Variants in PAPPA observed in about 807,000 individuals in gnomAD.
PAPPA encodes pappalysin 1, also known as pappalysin-1.
Under a neutral mutation model 164.0 loss-of-function variants are expected in PAPPA, and 60 were observed. The ratio of observed to expected loss-of-function variants is 0.37; its 90% CI spans 0.30 to 0.45. PAPPA has a LOEUF of 0.45. Among genes scored for constraint, PAPPA ranks in the 20% least tolerant of loss-of-function variants. PAPPA has a pLI of 1.00. For synonymous variants in PAPPA, 875 were observed against 814.1 expected (o/e 1.07, Z -1.27); for missense variants, 1,782 against 2,087.3 (o/e 0.85, Z 2.85).
At position 116,362,600 on chromosome 9, in the gene PAPPA, G is replaced by T; in HGVS notation, c.4356G>T (p.Gly1452=). ...GTTTCTCTGTTGTTCAGGGACTTGG[G>T]AGCAATGTCATTCATTGCCGGAAAG... ...CEDSDASQGL[G]SNVIHCRKDG... The change falls in exon 18 of 22, where the codon GGG becomes GGT. Residue 1452 remains glycine (G), a synonymous_variant. Transcript: ENST00000328252. 1 of 1,613,610 alleles carries T rather than the reference G, an allele frequency of 6.2e-7. No individual in the cohort carries two copies. The highest frequency in any genetic ancestry group is 8.5e-7 in the Non-Finnish European group (1 of 1,179,740).
intron 1 of PAPPA, among the ~76,000 whole-genome samples, chr9:116,184,418 C>A (rs1315615257): frequency 3.3e-5 from 5 of 152,072 alleles, no homozygotes; most frequent in Admixed American, 3.3e-4. Flanking sequence ...ATATGTCGTG[C>A]AAGATGCCTT....
intron 2 of PAPPA, among the ~76,000 whole-genome samples, chr9:116,195,922 C>T (rs1844098734): frequency 6.6e-6 from 1 of 152,038 alleles, no homozygotes; most frequent in Non-Finnish European, 1.5e-5. Context: ...CCTGTATAAA[C>T]CGAATGCTAA....
chr9:116,320,081 T>C (rs977915874), intron 10 of PAPPA, among the ~76,000 whole-genome samples: 2 of 152,188 alleles, frequency 1.3e-5, no homozygotes, highest in Admixed American at 1.3e-4. Context: ...CTGAACCATA[T>C]CATTTCTAAG....
At chr9:116,386,929 C>T (rs148692490) in intron 21 of PAPPA, among the ~76,000 whole-genome samples, 83 of 152,202 alleles carry the variant, frequency 5.5e-4, no homozygotes, top group African/African-American at 1.9e-3. Flanking sequence ...CATCTTCCAC[C>T]GCAGGAAGCC....
At chr9:116,214,167 G>A (rs1166392293) in intron 4 of PAPPA, among the ~76,000 whole-genome samples, 1 of 152,158 alleles carries the variant, frequency 6.6e-6, no homozygotes, top group East Asian at 1.9e-4. Context: ...CTGAACGATT[G>A]AAATACAACT....
At chr9:116,281,873 T>G (rs755271101) in intron 9 of PAPPA, among the ~76,000 whole-genome samples, 1 of 152,146 alleles carries the variant, frequency 6.6e-6, no homozygotes, top group African/African-American at 2.4e-5. Flanking sequence ...TTCCCAAGGC[T>G]ACGGGAAGGT....
At chr9:116,300,802 C>G (rs1845571262) in intron 9 of PAPPA, among the ~76,000 whole-genome samples, 1 of 152,002 alleles carries the variant, frequency 6.6e-6, no homozygotes, top group African/African-American at 2.4e-5. Context: ...ATTTCACAAG[C>G]TGATTTAATT....
chr9:116,279,390 G>C (rs1187045135), intron 9 of PAPPA, among the ~76,000 whole-genome samples: 3 of 152,094 alleles, frequency 2.0e-5, no homozygotes, highest in Admixed American at 2.0e-4. Context: ...GCACCGGTTA[G>C]GATCAAGCTT....
intron 6 of PAPPA, among the ~76,000 whole-genome samples, chr9:116,229,006 G>A (rs564556785): frequency 6.6e-6 from 1 of 152,240 alleles, no homozygotes; most frequent in African/African-American, 2.4e-5. Context: ...GGGCACATGG[G>A]CAAGGCAGTG....
At chr9:116,220,955 T>G (rs1430200408) in intron 5 of PAPPA, among the ~76,000 whole-genome samples, 1 of 141,844 alleles carries the variant, frequency 7.1e-6, no homozygotes, top group Non-Finnish European at 1.5e-5. Context: ...AAATGTTTTT[T>G]TTTTTTATTT....
intron 17 of PAPPA, among the ~76,000 whole-genome samples, chr9:116,355,477 C>T (rs373418005): frequency 5.9e-5 from 9 of 152,196 alleles, no homozygotes; most frequent in South Asian, 2.1e-4. Context: ...ACACTCTCGG[C>T]GTCTGTTTGC....
At chr9:116,337,480 C>T (rs1846076248) in intron 13 of PAPPA, among the ~76,000 whole-genome samples, 1 of 152,142 alleles carries the variant, frequency 6.6e-6, no homozygotes, top group African/African-American at 2.4e-5. Flanking sequence ...TTCCTTCATT[C>T]TCAAAACACC....
Position 116,367,659 on chromosome 9 carries a change from A to G in PAPPA, c.4510A>G (p.Thr1504Ala), listed in dbSNP as rs1588022903. ...DGYAIGSECATSCLDHNSESI... is the reference protein window; with the variant it reads ...DGYAIGSECAASCLDHNSESI... ...ACTTCCCTCAGGGTCGGAGTGTGCC[A>G]CCTCGTGCCTGGACCACAACAGCGA... is the stretch of plus-strand genomic sequence containing the variant. Residue 1504 changes from threonine (T) to alanine (A), a missense_variant, in exon 19 of 22, where the codon ACC becomes GCC. Thr to Ala is a moderately conservative substitution (Grantham distance 58). Transcript: ENST00000328252. 2.5e-6 allele frequency: 4 copies of G among 1,613,550 alleles called. No homozygotes were observed. Among genetic ancestry groups the G allele is most frequent in the Admixed American group, 1.7e-5 (1 of 59,976 alleles).
chr9:116,401,497 A>T lies in PAPPA; in HGVS notation c.*4881A>T, dbSNP rs994405564. The T allele has an allele frequency of 6.6e-6, 1 of 152,040 alleles. No individual in the cohort carries two copies. The highest frequency in any genetic ancestry group is 2.1e-4 in the South Asian group (1 of 4,818). 9.4% of individuals were successfully genotyped at this position (152,040 alleles called of 1,614,324 possible). ...CTTTCTTGGGTCTCTATAATCAATAACCTGTCTGCAGATATCTATCTATAT... is the reference window on the plus strand; with the variant it reads ...CTTTCTTGGGTCTCTATAATCAATATCCTGTCTGCAGATATCTATCTATAT... On this transcript the variant is annotated 3_prime_UTR_variant, in exon 22 of 22. Coordinates refer to ENST00000328252, the MANE Select transcript of PAPPA (RefSeq NM_002581.5).
chr9:116,345,865 C>T (rs1432593123), intron 14 of PAPPA, among the ~76,000 whole-genome samples: 1 of 152,102 alleles, frequency 6.6e-6, no homozygotes, highest in East Asian at 1.9e-4. Flanking sequence ...ACAGGTTGTC[C>T]TGGGATTTGA....
chr9:116,161,482 G>A (rs192109276), intron 1 of PAPPA, among the ~76,000 whole-genome samples: 3 of 152,288 alleles, frequency 2.0e-5, no homozygotes, highest in Non-Finnish European at 2.9e-5. Context: ...CACTTAAATT[G>A]TGTGATTCTA....
At chr9:116,353,527 A>G in intron 16 of PAPPA, 95 bp from the exon 17 acceptor site, 1 of 1,137,348 alleles carries the variant, frequency 8.8e-7, no homozygotes, top group East Asian at 2.4e-5. Flanking sequence ...AAACTAGGAA[A>G]TAGGAAATGG....
intron 15 of PAPPA, among the ~76,000 whole-genome samples, chr9:116,350,720 G>C (rs1484720634): frequency 1.3e-5 from 2 of 152,122 alleles, no homozygotes; most frequent in African/African-American, 2.4e-5. Context: ...CTAACCTTGT[G>C]CATTAGCTGG....
intron 13 of PAPPA, among the ~76,000 whole-genome samples, chr9:116,335,732 G>A (rs900554677): frequency 6.6e-6 from 1 of 152,144 alleles, no homozygotes. Flanking sequence ...TCTTACTTGG[G>A]TTTGAACCTC....
Sources: gnomAD v4.1 joint callset for allele counts (sites outside exome capture counted in the v4.1 genomes callset) on GRCh38, gnomAD v4.1.1 for gene constraint, MANE v1.5 for transcripts, NCBI Gene and HGNC (gene_info 2026-07-23, HGNC 2026-07-21) for gene names.